OSBPL1A: variants seen among roughly 807,000 people sequenced by gnomAD.
The protein encoded by OSBPL1A is oxysterol-binding protein-related protein 1.
OSBPL1A carries 80 observed loss-of-function variants against 137.1 expected under a neutral mutation model. That is an observed-to-expected ratio of 0.58 (90% CI 0.49 to 0.70). The LOEUF (loss-of-function observed/expected upper bound fraction) is 0.70, where lower values mean the gene tolerates loss of function less well. Ranked by LOEUF, OSBPL1A falls within the 30% of genes least tolerant of loss-of-function variation. OSBPL1A has a pLI of 0.00. For missense variants in OSBPL1A, 970 were observed against 1,129.4 expected, an observed-to-expected ratio of 0.86 and a Z score of 2.02; for synonymous variants, 365 against 389.7, an observed-to-expected ratio of 0.94 and a Z score of 0.75.
At chr18:24,385,286 G>A (rs1245511204) in intron 1 of OSBPL1A, among the ~76,000 whole-genome samples, 2 of 152,202 alleles carry the variant, frequency 1.3e-5, no homozygotes, top group African/African-American at 4.8e-5. Flanking sequence ...AGCTACATAG[G>A]GGGCTGAGGC....
At chr18:24,288,368 T>C (rs536320202) in intron 14 of OSBPL1A, among the ~76,000 whole-genome samples, 104 of 152,330 alleles carry the variant, frequency 6.8e-4, no homozygotes, top group African/African-American at 2.0e-3. Context: ...GATTATACCC[T>C]AAGGCACTGA....
intron 15 of OSBPL1A, among the ~76,000 whole-genome samples, chr18:24,244,584 C>T (rs1168556467): frequency 2.0e-5 from 3 of 152,200 alleles, no homozygotes; most frequent in Non-Finnish European, 2.9e-5. Flanking sequence ...AGTAAACATA[C>T]GCATTGATCT....
At chr18:24,253,707 T>C (rs1195252106) in intron 15 of OSBPL1A, among the ~76,000 whole-genome samples, 1 of 152,228 alleles carries the variant, frequency 6.6e-6, no homozygotes, top group African/African-American at 2.4e-5. Context: ...TGTCTTTTCC[T>C]GGGTGGGATG....
At chr18:24,199,587 G>A (rs2087152884) in intron 17 of OSBPL1A, among the ~76,000 whole-genome samples, 1 of 152,214 alleles carries the variant, frequency 6.6e-6, no homozygotes, top group Non-Finnish European at 1.5e-5. Context: ...CCAACTGGGA[G>A]TTTAAGTATT....
intron 16 of OSBPL1A, among the ~76,000 whole-genome samples, chr18:24,233,249 T>C (rs2088337878): frequency 6.6e-6 from 1 of 152,202 alleles, no homozygotes; most frequent in Non-Finnish European, 1.5e-5. Flanking sequence ...GTCATGTACC[T>C]TTAGTTTTCT....
At chr18:24,393,603 C>T (rs1176242523) in intron 1 of OSBPL1A, among the ~76,000 whole-genome samples, 2 of 152,184 alleles carry the variant, frequency 1.3e-5, no homozygotes, top group African/African-American at 4.8e-5. Context: ...CAGCTGCCCG[C>T]CACCACGCCT....
intron 7 of OSBPL1A, among the ~76,000 whole-genome samples, chr18:24,319,752 A>G (rs2090808688): frequency 6.6e-6 from 1 of 152,206 alleles, no homozygotes; most frequent in South Asian, 2.1e-4. Flanking sequence ...ATTATTAGAG[A>G]AATGAAAGCT....
At chr18:24,275,962 C>G (rs2089837299) in intron 15 of OSBPL1A, among the ~76,000 whole-genome samples, 2 of 152,036 alleles carry the variant, frequency 1.3e-5, no homozygotes. Context: ...CTCCTAACCT[C>G]AGGTGATCCA....
intron 7 of OSBPL1A, among the ~76,000 whole-genome samples, chr18:24,328,218 A>ATTTTTTTTTTTTT (rs564798076): frequency 1.2e-4 from 6 of 48,612 alleles, no homozygotes; most frequent in African/African-American, 6.2e-4. Flanking sequence ...AATTTTTTGT[A>ATTTTTTTTTTTTT]TTTTTTTTTT....
intron 16 of OSBPL1A, among the ~76,000 whole-genome samples, chr18:24,228,123 A>G (rs73967995): frequency 6.6e-5 from 10 of 152,138 alleles, no homozygotes; most frequent in African/African-American, 2.4e-4. Context: ...CATCAGTCAC[A>G]CTGAGAACCC....
intron 14 of OSBPL1A, among the ~76,000 whole-genome samples, chr18:24,290,272 G>T (rs956511437): frequency 6.6e-6 from 1 of 152,196 alleles, no homozygotes; most frequent in Non-Finnish European, 1.5e-5. Context: ...AGATATGCTA[G>T]AAAGAAAGAA....
chr18:24,247,659 A>C (rs940825153), intron 15 of OSBPL1A, among the ~76,000 whole-genome samples: 7 of 139,178 alleles, frequency 5.0e-5, no homozygotes, highest in African/African-American at 8.2e-5. Flanking sequence ...TAATAGGGAC[A>C]GGGTTTTGCC....
intron 19 of OSBPL1A, among the ~76,000 whole-genome samples, chr18:24,180,106 A>C (rs2166056): frequency 0.036 from 5,529 of 152,294 alleles, 316 homozygotes; most frequent in African/African-American, 0.13. Flanking sequence ...ACTTTTAAAA[A>C]ACCCTCAAGT....
In OSBPL1A at chr18:24,271,203, T is replaced by A. The variant is rs1271051043; in HGVS notation, c.1281+9639A>T. On this transcript the variant is annotated intron_variant, in intron 15 of 27. Coordinates refer to ENST00000319481, the MANE Select transcript of OSBPL1A (RefSeq NM_080597.4). This position sits in a 1 kb window ranked among gnomAD's most constrained non-coding sequence, Gnocchi z 4.0. ...TCAGCGGCCTCTGAAGAGCGGATGG[T>A]AAGTTCATCTCAATGTCAGCCGGAG... 6.6e-6 allele frequency among the ~76,000 whole-genome samples: 1 copy of A among 152,220 alleles called. No individual in the cohort carries two copies. Among genetic ancestry groups the A allele is most frequent in the Non-Finnish European group, 1.5e-5 (1 of 68,048 alleles).
At position 24,171,492 on chromosome 18, in the gene OSBPL1A, C is replaced by T. The variant is rs760242753; in HGVS notation, c.2208G>A (p.Gly736=). 2.5e-6 allele frequency: 4 copies of T among 1,611,126 alleles called. No homozygotes were observed. The highest frequency in any genetic ancestry group is 2.7e-5 in the African/African-American group (2 of 74,736). ...GNVEIINHKT[G]DKCVLNFKPC... is the part of the protein sequence containing the mutation. ...GCTTAAAATTCAACACACATTTGTC[C>T]CCAGTCCTATAAAGAAAATACTAAG... Residue 736 remains glycine (G), a synonymous_variant, in exon 23 of 28, where the codon GGG becomes GGA. Coordinates refer to ENST00000319481, the MANE Select transcript of OSBPL1A (RefSeq NM_080597.4).
chr18:24,326,699 C>T (rs113917623), intron 7 of OSBPL1A, among the ~76,000 whole-genome samples: 691 of 152,292 alleles, frequency 4.5e-3, no homozygotes, highest in Non-Finnish European at 7.8e-3. Flanking sequence ...TGCCATTTCC[C>T]ACTTTGGAAT....
At chr18:24,292,375 T>C (rs986323151) in intron 14 of OSBPL1A, among the ~76,000 whole-genome samples, 4 of 152,238 alleles carry the variant, frequency 2.6e-5, no homozygotes, top group African/African-American at 9.6e-5. Context: ...CCCTATTTCA[T>C]GTCTCTAAAA....
In OSBPL1A at chr18:24,280,860, G is replaced by A; in HGVS notation, c.1263C>T (p.Leu421=). The A allele has an allele frequency of 1.3e-6, 2 of 1,590,912 alleles. No individual in the cohort carries two copies. The highest frequency in any genetic ancestry group is 1.2e-5 in the South Asian group (1 of 85,620). Residue 421 remains leucine, a synonymous_variant, in exon 15 of 28, where the codon CTC becomes CTT. Transcript: ENST00000319481. ...TACCTACCCCTTCTTGTTTGGTGAA[G>A]AGATTAAGGCAATCAGTCAAAGCTA... ...TCVALTDCLN[L]FTKQEGVRNF...
At chr18:24,220,995 G>T (rs2087871248) in intron 17 of OSBPL1A, among the ~76,000 whole-genome samples, 1 of 152,032 alleles carries the variant, frequency 6.6e-6, no homozygotes, top group Non-Finnish European at 1.5e-5. Context: ...TGGCCAGGCT[G>T]GTCTTGAACT....
Sources: gnomAD v4.1 joint callset for allele counts (sites outside exome capture counted in the v4.1 genomes callset) on GRCh38, gnomAD v4.1.1 for gene constraint, Gnocchi (gnomAD v3.1) non-coding constraint, MANE v1.5 for transcripts, NCBI Gene and HGNC (gene_info 2026-07-23, HGNC 2026-07-21) for gene names.